CATSPERG: variants seen among roughly 807,000 people sequenced by gnomAD.
CATSPERG encodes cation channel sperm-associated auxiliary subunit gamma.
In CATSPERG, 115 loss-of-function variants were observed where a neutral mutation model predicts 145.0. The ratio of observed to expected loss-of-function variants is 0.79; its 90% confidence interval spans 0.68 to 0.93. CATSPERG has a LOEUF of 0.93. CATSPERG is among the 40% of genes least tolerant of loss of function. The pLI, the probability that CATSPERG is intolerant of heterozygous loss-of-function variation, is 0.00. For synonymous variants in CATSPERG, 588 were observed against 589.0 expected (o/e 1.00, Z 0.02); for missense variants, 1,296 against 1,490.1 (o/e 0.87, Z 2.14).
chr19:38,360,568 A>G lies in CATSPERG; in HGVS notation c.1688A>G (p.Lys563Arg), dbSNP rs1970326642. Reference sequence around the variant, plus strand: ...GGCTGGCAGGTGCACATCAGCTTAAAGCTGATGCAACAGTCCTCTCTCTAC... The same window carrying G: ...GGCTGGCAGGTGCACATCAGCTTAAGGCTGATGCAACAGTCCTCTCTCTAC... ...SKGWQVHISL[K>R]LMQQSSLYAS... Residue 563 changes from lysine (K) to arginine (R), a missense_variant, in exon 15 of 29, where the codon AAG becomes AGG. Transcript: ENST00000409235. The G allele has an allele frequency of 3.1e-6, 5 of 1,614,196 alleles. No individual in the cohort carries two copies. Among genetic ancestry groups the G allele is most frequent in the Non-Finnish European group, 4.2e-6 (5 of 1,180,028 alleles).
At chr19:38,351,001 A>C (rs1021810846) in intron 7 of CATSPERG, among the ~76,000 whole-genome samples, 8 of 152,056 alleles carry the variant, frequency 5.3e-5, no homozygotes, top group Non-Finnish European at 1.2e-4. Flanking sequence ...AAAACAAACA[A>C]ACAAAAAATG....
chr19:38,356,410 C>G (rs1204475299), intron 9 of CATSPERG, 74 bp from the exon 10 acceptor site: 1 of 1,367,876 alleles, frequency 7.3e-7, no homozygotes, highest in East Asian at 2.3e-5. Flanking sequence ...ATAAGGAGGG[C>G]AATCGGAGTT....
At position 38,343,595 on chromosome 19, in the gene CATSPERG, G is replaced by A; in HGVS notation, c.340G>A (p.Val114Met). The change falls in exon 4 of 29, where the codon GTG becomes ATG. Residue 114 changes from valine (V) to methionine (M), a missense_variant. Transcript: ENST00000409235. ...TCACCCTCAGCCCTCTGAGGACCTGGTGCGCATGGGCCACCTGACGGGGCT... is the reference window on the plus strand; with the variant it reads ...TCACCCTCAGCCCTCTGAGGACCTGATGCGCATGGGCCACCTGACGGGGCT... Reference protein sequence around the residue: ...SCEEKPSEDLVRMGHLTGLKP... With the variant: ...SCEEKPSEDLMRMGHLTGLKP... 2 of 1,550,190 alleles carry A rather than the reference G, an allele frequency of 1.3e-6. No homozygotes were observed. Among genetic ancestry groups the A allele is most frequent in the Non-Finnish European group, 1.7e-6 (2 of 1,146,306 alleles).
In CATSPERG at chr19:38,343,965, A is replaced by G. The variant is rs974282126; in HGVS notation, c.470-28A>G. On this transcript the variant is annotated intron_variant, in intron 4 of 28. Transcript: ENST00000409235. ...GAACCGGCCATTGGGAGGCCCCAGCAGTTTCAGTGCCCAGGGCCTCCCTGC... is the reference window on the plus strand; with the variant it reads ...GAACCGGCCATTGGGAGGCCCCAGCGGTTTCAGTGCCCAGGGCCTCCCTGC... 3.2e-6 allele frequency: 5 copies of G among 1,547,496 alleles called. No individual in the cohort carries two copies. The African/African-American group carries it at 6.9e-5, about 21-fold the overall frequency.
At chr19:38,358,116 A>G (rs1970278880) in intron 11 of CATSPERG, 162 bp from the exon 12 acceptor site, 1 of 653,564 alleles carries the variant, frequency 1.5e-6, no homozygotes. Context: ...ATCCTGTCTC[A>G]GGGGGGAAAT....
chr19:38,336,480 C>A (rs898015567), intron 1 of CATSPERG: 9 of 291,610 alleles, frequency 3.1e-5, no homozygotes, highest in Non-Finnish European at 4.8e-5. Flanking sequence ...GAGGAGCAAG[C>A]CCCGGGCGAG....
intron 27 of CATSPERG, 38 bp downstream of exon 27, chr19:38,370,102 TG>T (rs775138009): frequency 9.9e-6 from 16 of 1,613,144 alleles, no homozygotes; most frequent in Non-Finnish European, 1.1e-5. Context: ...GGTCAGGGGC[TG>T]CCCATGGAAT....
chr19:38,337,216 T>A lies in CATSPERG; in HGVS notation c.-14-5T>A. The stretch of plus-strand genomic sequence containing the variant: ...CGCGTGGGTGTTGACTCCTGCGTTC[T>A]CCAGGTTCTAGCCACGTTATGTGCG... On this transcript the variant is annotated splice_polypyrimidine_tract_variant and splice_region_variant and intron_variant, in intron 1 of 28. Transcript: ENST00000409235. The A allele has an allele frequency of 6.5e-7, 1 of 1,549,470 alleles. No homozygotes were observed. The highest frequency in any genetic ancestry group is 8.7e-7 in the Non-Finnish European group (1 of 1,145,980).
chr19:38,342,130 T>C (rs1230033706), intron 3 of CATSPERG, among the ~76,000 whole-genome samples: 2 of 149,106 alleles, frequency 1.3e-5, no homozygotes, highest in Non-Finnish European at 3.0e-5. Flanking sequence ...AATCCTAGCA[T>C]TTTAGGAGGC....
At chr19:38,352,857 G>C (rs1970169194) in intron 8 of CATSPERG, among the ~76,000 whole-genome samples, 1 of 151,314 alleles carries the variant, frequency 6.6e-6, no homozygotes, top group South Asian at 2.1e-4. Flanking sequence ...AGCCTCAAGG[G>C]AAACTCATTG....
Position 38,367,664 on chromosome 19 carries a change from A to C in CATSPERG, c.2835-17A>C, listed in dbSNP as rs1227369231. On this transcript the variant is annotated splice_polypyrimidine_tract_variant and intron_variant, in intron 24 of 28. Coordinates refer to ENST00000409235, the MANE Select transcript of CATSPERG (RefSeq NM_021185.5). The stretch of plus-strand genomic sequence containing the variant: ...GAGACCCGGAGGCCAGTCTGTGTGC[A>C]CTTCTGTCCCTGGTAGCTATGTTCT... The C allele has an allele frequency of 2.5e-6, 4 of 1,613,800 alleles. No homozygotes were observed. The highest frequency in any genetic ancestry group is 2.5e-6 in the Non-Finnish European group (3 of 1,179,774).
chr19:38,367,446 G>A, intron 23 of CATSPERG, 63 bp from the exon 24 acceptor site: 1 of 1,580,458 alleles, frequency 6.3e-7, no homozygotes, highest in Non-Finnish European at 8.7e-7. Flanking sequence ...CCCCGTCTCG[G>A]TCCTCAGCTT....
In CATSPERG at chr19:38,352,269, T is replaced by A; in HGVS notation, c.834T>A (p.Ile278=). The change falls in exon 8 of 29, where the codon ATT becomes ATA. Residue 278 remains isoleucine, a synonymous_variant. Transcript: ENST00000409235. ...CCTCTGCTCCCCTGCAGCTGAGCAT[T>A]GACAGTTGCTGGGTGGGCTCCTTCT... is the stretch of plus-strand genomic sequence containing the variant. ...FKDFSLVELS[I]DSCWVGSFYC... The A allele has an allele frequency of 6.4e-7, 1 of 1,551,388 alleles. No homozygotes were observed. The highest frequency in any genetic ancestry group is 8.7e-7 in the Non-Finnish European group (1 of 1,147,016).
chr19:38,360,604 A>G lies in CATSPERG; in HGVS notation c.1724A>G (p.Glu575Gly). 1 of 1,614,232 alleles carries G rather than the reference A, an allele frequency of 6.2e-7. No homozygotes were observed. The highest frequency in any genetic ancestry group is 8.5e-7 in the Non-Finnish European group (1 of 1,180,038). The change falls in exon 15 of 29, where the codon GAG becomes GGG. Residue 575 changes from glutamate (E) to glycine (G), a missense_variant. Coordinates refer to ENST00000409235, the MANE Select transcript of CATSPERG (RefSeq NM_021185.5). ...CAGTCCTCTCTCTACGCATCCAATG[A>G]GACCATGCTGACCCTCTTCTACGAA... ...MQQSSLYASNETMLTLFYEDS... is the reference protein window; with the variant it reads ...MQQSSLYASNGTMLTLFYEDS...
intron 3 of CATSPERG, chr19:38,337,927 G>T: frequency 3.4e-6 from 1 of 293,790 alleles, no homozygotes; most frequent in Non-Finnish European, 6.5e-6. Flanking sequence ...ACGTTGCCCA[G>T]GCTGGTCTCA....
Position 38,344,120 on chromosome 19 carries a change from G to T in CATSPERG, c.596+1G>T. Reference sequence around the variant, plus strand: ...TGGGGACCTTCATTCCAGATAAAAGGTACCCTTTCCCAAGACGGGGGCTGG... The same window carrying T: ...TGGGGACCTTCATTCCAGATAAAAGTTACCCTTTCCCAAGACGGGGGCTGG... On this transcript the variant is annotated splice_donor_variant, in intron 5 of 28. Coordinates refer to ENST00000409235, the MANE Select transcript of CATSPERG (RefSeq NM_021185.5). LOFTEE classifies it high-confidence loss of function. 1 of 1,551,572 alleles carries T rather than the reference G, an allele frequency of 6.4e-7. No individual in the cohort carries two copies. The highest frequency in any genetic ancestry group is 8.7e-7 in the Non-Finnish European group (1 of 1,146,940).
chr19:38,339,283 T>G (rs1215410000), intron 3 of CATSPERG, among the ~76,000 whole-genome samples: 2 of 151,952 alleles, frequency 1.3e-5, no homozygotes, highest in Admixed American at 1.3e-4. Flanking sequence ...TCTAGACACA[T>G]TCCAGAGCCA....
chr19:38,337,747 C>G, intron 3 of CATSPERG, 101 bp downstream of exon 3: 1 of 1,153,994 alleles, frequency 8.7e-7, no homozygotes, highest in Non-Finnish European at 1.2e-6. Flanking sequence ...GAGACGGAGT[C>G]TTGCGCTGTT....
chr19:38,366,357 C>T (rs986456812), intron 22 of CATSPERG: 4 of 152,272 alleles, frequency 2.6e-5, no homozygotes, highest in African/African-American at 9.7e-5. Flanking sequence ...CAGCCCCCAC[C>T]TCCTTAGAGT....
Sources: allele counts gnomAD v4.1 joint callset (sites outside exome capture counted in the v4.1 genomes callset), GRCh38; gene constraint gnomAD v4.1.1; transcripts MANE v1.5; gene names NCBI Gene and HGNC (gene_info 2026-07-23, HGNC 2026-07-21).